NME7: variants seen among roughly 807,000 people sequenced by gnomAD.
NME7 encodes nucleoside diphosphate kinase 7.
Under a neutral mutation model 49.1 loss-of-function variants are expected in NME7, and 41 were observed. That is an observed-to-expected ratio of 0.83 (90% CI 0.65 to 1.08). The LOEUF is 1.08. Among genes scored for constraint, NME7 ranks in the 50% least tolerant of loss-of-function variants. The pLI is 0.00. For synonymous variants in NME7, 139 were observed against 150.6 expected (o/e 0.92, Z 0.56); for missense variants, 423 against 463.4 (o/e 0.91, Z 0.80).
At chr1:169,316,720 C>A (rs1382677002) in intron 3 of NME7, among the ~76,000 whole-genome samples, 1 of 152,068 alleles carries the variant, frequency 6.6e-6, no homozygotes, top group Admixed American at 6.5e-5. Context: ...TGGCCCCAAA[C>A]CAAGGAATGT....
chr1:169,240,957 C>T (rs1402611533), intron 7 of NME7, among the ~76,000 whole-genome samples: 2 of 152,034 alleles, frequency 1.3e-5, no homozygotes, highest in South Asian at 2.1e-4. Context: ...ATTTGAAAGA[C>T]AACGCCTGCC....
chr1:169,278,244 T>G (rs192847540), intron 7 of NME7, among the ~76,000 whole-genome samples: 29,084 of 139,796 alleles, frequency 0.21, 4,142 homozygotes, highest in Non-Finnish European at 0.3. Context: ...GCCTTGCTCG[T>G]TTGGGGAAGT....
chr1:169,359,492 G>A (rs753944331), intron 1 of NME7, among the ~76,000 whole-genome samples: 2 of 151,548 alleles, frequency 1.3e-5, no homozygotes, highest in Admixed American at 6.6e-5. Context: ...ATATGTATGA[G>A]TATATATGTG....
intron 1 of NME7, among the ~76,000 whole-genome samples, chr1:169,345,664 CCTT>C (rs1294170444): frequency 6.6e-6 from 1 of 152,068 alleles, no homozygotes; most frequent in Admixed American, 6.5e-5. Flanking sequence ...GTCTTTGGAC[CCTT>C]AATCTTTAGC....
chr1:169,157,273 G>A (rs577180572), intron 11 of NME7, among the ~76,000 whole-genome samples: 3 of 152,256 alleles, frequency 2.0e-5, no homozygotes, highest in Non-Finnish European at 2.9e-5. Flanking sequence ...CTAAAAGCCT[G>A]CAATATGTTA....
intron 11 of NME7, among the ~76,000 whole-genome samples, chr1:169,150,779 A>G (rs1336391264): frequency 6.6e-6 from 1 of 151,570 alleles, no homozygotes; most frequent in Non-Finnish European, 1.5e-5. Flanking sequence ...AAAAAAAAAA[A>G]GAGGAGCAAG....
chr1:169,247,477 C>CA (rs928218848), intron 7 of NME7, among the ~76,000 whole-genome samples: 7 of 151,988 alleles, frequency 4.6e-5, no homozygotes, highest in Admixed American at 6.5e-5. Flanking sequence ...ATGAAAATCT[C>CA]AGTTTTTAAA....
chr1:169,165,807 C>A (rs12124144), intron 11 of NME7, among the ~76,000 whole-genome samples: 56,411 of 151,998 alleles, frequency 0.37, 11,034 homozygotes, highest in East Asian at 0.73. Flanking sequence ...CCTTGACTAT[C>A]TCAGCACTCT....
At position 169,298,528 on chromosome 1, in the gene NME7, G is replaced by A. The variant is rs189135327; in HGVS notation, c.648+28C>T. ...TAAAACATTTAACAGAACTAGAAGA[G>A]CATTAAAATATTTTTAAAACACCTT... On this transcript the variant is annotated intron_variant, in intron 6 of 11. Coordinates refer to ENST00000367811, the MANE Select transcript of NME7 (RefSeq NM_013330.5). The A allele has an allele frequency of 6.1e-3, 9,694 of 1,598,400 alleles. 42 individuals are homozygous for A. Among genetic ancestry groups the A allele is most frequent in the Non-Finnish European group, 6.4e-3 (7,448 of 1,169,126 alleles).
intron 1 of NME7, among the ~76,000 whole-genome samples, chr1:169,354,033 C>T (rs1653284647): frequency 6.6e-6 from 1 of 151,908 alleles, no homozygotes; most frequent in African/African-American, 2.4e-5. Flanking sequence ...CTTTATAATC[C>T]AACAATCCCA....
intron 7 of NME7, among the ~76,000 whole-genome samples, chr1:169,247,584 C>T (rs1648377083): frequency 6.6e-6 from 1 of 152,090 alleles, no homozygotes; most frequent in African/African-American, 2.4e-5. Flanking sequence ...CACCCATCAT[C>T]CAAGTAGTGT....
At chr1:169,300,418 T>C (rs893193664) in intron 5 of NME7, among the ~76,000 whole-genome samples, 2 of 152,144 alleles carry the variant, frequency 1.3e-5, no homozygotes, top group African/African-American at 2.4e-5. Context: ...GGATATCAAA[T>C]AACATGTCTA....
At chr1:169,242,335 T>C (rs1008450557) in intron 7 of NME7, among the ~76,000 whole-genome samples, 1 of 151,924 alleles carries the variant, frequency 6.6e-6, no homozygotes, top group Admixed American at 6.6e-5. Flanking sequence ...GATATATATC[T>C]GCATATATTG....
chr1:169,187,171 T>C (rs772602601), intron 10 of NME7, among the ~76,000 whole-genome samples: 9 of 152,154 alleles, frequency 5.9e-5, no homozygotes, highest in Non-Finnish European at 1.2e-4. Flanking sequence ...GTGTTTTATG[T>C]ATAACTATGT....
intron 1 of NME7, among the ~76,000 whole-genome samples, chr1:169,332,551 A>G (rs1370156104): frequency 2.0e-5 from 3 of 152,212 alleles, no homozygotes; most frequent in Admixed American, 2.0e-4. Flanking sequence ...GAATGGGAGA[A>G]AATATTTGCA....
intron 7 of NME7, among the ~76,000 whole-genome samples, chr1:169,257,958 T>C (rs1415251761): frequency 1.5e-5 from 2 of 133,962 alleles, no homozygotes; most frequent in Non-Finnish European, 3.5e-5. Flanking sequence ...TTCAAGACCA[T>C]GGATCCATTA....
intron 7 of NME7, among the ~76,000 whole-genome samples, chr1:169,251,303 C>T (rs1414203720): frequency 6.6e-6 from 1 of 151,962 alleles, no homozygotes; most frequent in African/African-American, 2.4e-5. Context: ...CTCCTGCTCA[C>T]TTTTGGTTTC....
At chr1:169,318,656 C>T (rs1028548909) in intron 3 of NME7, among the ~76,000 whole-genome samples, 4 of 151,966 alleles carry the variant, frequency 2.6e-5, no homozygotes, top group East Asian at 3.9e-4. Context: ...TACATGGAAA[C>T]GTTCAGGAAA....
intron 1 of NME7, among the ~76,000 whole-genome samples, chr1:169,350,906 T>C (rs1269561453): frequency 6.6e-6 from 1 of 152,178 alleles, no homozygotes; most frequent in Non-Finnish European, 1.5e-5. Flanking sequence ...ATGTCCCAAC[T>C]AGTTTCTTTA....
Sources: gnomAD v4.1 joint callset for allele counts (sites outside exome capture counted in the v4.1 genomes callset) on GRCh38, gnomAD v4.1.1 for gene constraint, MANE v1.5 for transcripts, NCBI Gene and HGNC (gene_info 2026-07-23, HGNC 2026-07-21) for gene names.